The following XIRP2 variants were observed in gnomAD, a reference collection of about 807,000 sequenced individuals.
XIRP2 encodes the protein xin actin binding repeat containing 2.
In XIRP2, 236 loss-of-function variants were observed where a neutral mutation model predicts 277.0. That is an observed-to-expected ratio of 0.85 (90% CI 0.77 to 0.95). XIRP2 has a LOEUF of 0.95. XIRP2 is among the 40% of genes least tolerant of loss of function. The probability of loss-of-function intolerance (pLI) is 0.00; values close to 1 mark genes in which losing one functional copy is unlikely to be tolerated. For missense variants in XIRP2, 4,640 were observed against 4,157.5 expected, an observed-to-expected ratio of 1.12 and a Z score of -3.19; for synonymous variants, 1,490 against 1,416.5, an observed-to-expected ratio of 1.05 and a Z score of -1.17.
intron 2 of XIRP2, among the ~76,000 whole-genome samples, chr2:167,088,816 C>T (rs552337586): frequency 1.4e-4 from 22 of 152,240 alleles, no homozygotes; most frequent in Admixed American, 1.3e-3. Context: ...TCATGTTTAG[C>T]TTATACTTCA....
At chr2:167,067,124 T>C (rs1476835814) in intron 2 of XIRP2, among the ~76,000 whole-genome samples, 3 of 152,104 alleles carry the variant, frequency 2.0e-5, no homozygotes, top group Non-Finnish European at 4.4e-5. Context: ...AAATATGTGT[T>C]CTGCCTCCCT....
chr2:167,183,359 G>T (rs1025702853), intron 3 of XIRP2, among the ~76,000 whole-genome samples: 3 of 152,130 alleles, frequency 2.0e-5, no homozygotes, highest in African/African-American at 4.8e-5. Context: ...ATGCAACAAA[G>T]GTTTTAATGG....
chr2:167,144,434 A>T (rs1161417936), intron 3 of XIRP2, among the ~76,000 whole-genome samples: 2 of 152,254 alleles, frequency 1.3e-5, no homozygotes, highest in East Asian at 3.9e-4. Flanking sequence ...AATACCACAT[A>T]ACTTTGTACT....
At chr2:166,941,381 C>T (rs1685709446) in intron 2 of XIRP2, among the ~76,000 whole-genome samples, 2 of 152,336 alleles carry the variant, frequency 1.3e-5, no homozygotes, top group South Asian at 2.1e-4. Flanking sequence ...TTCCCTGACC[C>T]CTTGCACTTC....
chr2:166,956,911 A>C (rs1304763492), intron 2 of XIRP2, among the ~76,000 whole-genome samples: 1 of 151,860 alleles, frequency 6.6e-6, no homozygotes, highest in Non-Finnish European at 1.5e-5. Flanking sequence ...ATTTTGAATC[A>C]GTTTGAAGTT....
intron 2 of XIRP2, among the ~76,000 whole-genome samples, chr2:167,000,145 A>C (rs2105454105): frequency 6.6e-6 from 1 of 152,294 alleles, no homozygotes; most frequent in African/African-American, 2.4e-5. Flanking sequence ...ATGTAAAAAT[A>C]ATATTTGCTA....
intron 3 of XIRP2, among the ~76,000 whole-genome samples, chr2:167,137,586 G>T (rs1262299019): frequency 6.6e-6 from 1 of 152,096 alleles, no homozygotes; most frequent in Non-Finnish European, 1.5e-5. Flanking sequence ...TGTTTTCTTT[G>T]ATTTCCATGC....
intron 2 of XIRP2, among the ~76,000 whole-genome samples, chr2:166,973,661 A>C (rs904304221): frequency 6.6e-6 from 1 of 152,222 alleles, no homozygotes. Flanking sequence ...AAAGCACTTC[A>C]GAATCTCAGT....
intron 2 of XIRP2, among the ~76,000 whole-genome samples, chr2:166,965,238 C>T (rs1686400506): frequency 6.6e-6 from 1 of 151,894 alleles, no homozygotes; most frequent in African/African-American, 2.4e-5. Flanking sequence ...ACCTGACTTA[C>T]CAGTGTCACT....
intron 4 of XIRP2, among the ~76,000 whole-genome samples, chr2:167,214,904 G>A (rs765508203): frequency 1.3e-5 from 2 of 152,046 alleles, no homozygotes; most frequent in African/African-American, 4.8e-5. Flanking sequence ...TAGATGAGAG[G>A]CAACCTGTCC....
chr2:167,158,512 C>T (rs1428086343), intron 3 of XIRP2, among the ~76,000 whole-genome samples: 1 of 152,138 alleles, frequency 6.6e-6, no homozygotes, highest in Non-Finnish European at 1.5e-5. Flanking sequence ...GTTGGGATGG[C>T]CTCCCAGGAA....
At chr2:166,950,839 TAGAC>T (rs1686008718) in intron 2 of XIRP2, among the ~76,000 whole-genome samples, 1 of 152,088 alleles carries the variant, frequency 6.6e-6, no homozygotes, top group South Asian at 2.1e-4. Flanking sequence ...TTCAAATAGA[TAGAC>T]AGTACAAAGT....
chr2:167,029,961 A>G (rs1688292342), intron 2 of XIRP2, among the ~76,000 whole-genome samples: 1 of 152,018 alleles, frequency 6.6e-6, no homozygotes, highest in Non-Finnish European at 1.5e-5. Flanking sequence ...GTGTCCAGGA[A>G]TTTATCTTTT....
intron 2 of XIRP2, among the ~76,000 whole-genome samples, chr2:166,971,546 AG>A (rs1381044391): frequency 6.6e-6 from 1 of 151,964 alleles, no homozygotes; most frequent in East Asian, 1.9e-4. Context: ...GTGATTTATG[AG>A]CTCATAAATG....
At chr2:166,969,109 G>T (rs1334527651) in intron 2 of XIRP2, among the ~76,000 whole-genome samples, 1 of 151,950 alleles carries the variant, frequency 6.6e-6, no homozygotes, top group Non-Finnish European at 1.5e-5. Context: ...TTGCTTTCCA[G>T]AAGTTTCTAA....
chr2:167,146,368 G>T (rs1691865314), intron 3 of XIRP2, among the ~76,000 whole-genome samples: 1 of 151,974 alleles, frequency 6.6e-6, no homozygotes, highest in Non-Finnish European at 1.5e-5. Flanking sequence ...AGGCATGGTG[G>T]CACATGCCTG....
At chr2:167,239,239 T>C (rs1423841979) in intron 5 of XIRP2, among the ~76,000 whole-genome samples, 3 of 152,158 alleles carry the variant, frequency 2.0e-5, no homozygotes, top group Admixed American at 6.5e-5. Flanking sequence ...TACTGGGTAA[T>C]ACATCATTAA....
At position 167,068,682 on chromosome 2, in the gene XIRP2, T is replaced by C. The variant is rs78953516; in HGVS notation, c.409-67227T>C. 2.9e-3 allele frequency among the ~76,000 whole-genome samples: 440 copies of C among 152,162 alleles called. 18 individuals are homozygous for C. The East Asian group carries it at 0.066, about 23-fold the overall frequency. On this transcript the variant is annotated intron_variant, in intron 2 of 10. Coordinates refer to ENST00000409195, the MANE Select transcript of XIRP2 (RefSeq NM_152381.6). ...AGCTTGAGTATTGTATAAAAGCAGG[T>C]CATGGCTCATTTGGCTCAAAGGCCA...
chr2:167,024,275 A>C (rs1235290164), intron 2 of XIRP2, among the ~76,000 whole-genome samples: 1 of 152,070 alleles, frequency 6.6e-6, no homozygotes, highest in Non-Finnish European at 1.5e-5. Context: ...GGTGTATAAG[A>C]ATGCTTGTGA....
Sources: gnomAD v4.1 joint callset for allele counts (sites outside exome capture counted in the v4.1 genomes callset) on GRCh38, gnomAD v4.1.1 for gene constraint, MANE v1.5 for transcripts, NCBI Gene and HGNC (gene_info 2026-07-23, HGNC 2026-07-21) for gene names.